MCTP2: variants seen among roughly 807,000 people sequenced by gnomAD.
MCTP2 encodes multiple C2 and transmembrane domain containing 2.
MCTP2 carries 132 observed loss-of-function variants against 111.6 expected under a neutral mutation model. The observed-to-expected ratio is 1.18, with a 90% CI of 1.03 to 1.37. MCTP2 has a LOEUF of 1.37. MCTP2 is among the 40% of genes most tolerant of loss of function. MCTP2 has a pLI of 0.00. For missense variants in MCTP2, 1,183 were observed against 1,067.9 expected, an observed-to-expected ratio of 1.11 and a Z score of -1.50; for synonymous variants, 395 against 387.7, an observed-to-expected ratio of 1.02 and a Z score of -0.22.
At chr15:94,239,887 G>A (rs760239352) in intron 1 of MCTP2, among the ~76,000 whole-genome samples, 3 of 152,100 alleles carry the variant, frequency 2.0e-5, no homozygotes, top group Non-Finnish European at 2.9e-5. Flanking sequence ...GATAGGTGTG[G>A]CCCTGATCAG....
chr15:94,429,073 GA>G (rs1349088816), intron 17 of MCTP2, among the ~76,000 whole-genome samples: 3 of 152,050 alleles, frequency 2.0e-5, no homozygotes, highest in Non-Finnish European at 4.4e-5. Flanking sequence ...CTCGTAGAAT[GA>G]CCATGATTGA....
intron 10 of MCTP2, among the ~76,000 whole-genome samples, chr15:94,359,192 C>T (rs761164774): frequency 2.4e-4 from 36 of 152,160 alleles, no homozygotes; most frequent in African/African-American, 8.4e-4. Context: ...TGCTGTAACC[C>T]GCGTACAGTA....
intron 1 of MCTP2, among the ~76,000 whole-genome samples, chr15:94,287,142 T>C (rs2074796594): frequency 6.6e-6 from 1 of 152,232 alleles, no homozygotes; most frequent in South Asian, 2.1e-4. Flanking sequence ...TTATTATTTC[T>C]TTAAGTTTTG....
At chr15:94,240,092 T>C (rs1289922371) in intron 1 of MCTP2, among the ~76,000 whole-genome samples, 2 of 152,160 alleles carry the variant, frequency 1.3e-5, no homozygotes, top group African/African-American at 2.4e-5. Flanking sequence ...TTTTGTTTTT[T>C]AAGTAGAAGT....
chr15:94,307,502 C>T (rs141877752), intron 2 of MCTP2, among the ~76,000 whole-genome samples: 12 of 152,222 alleles, frequency 7.9e-5, no homozygotes, highest in East Asian at 5.8e-4. Flanking sequence ...GGCAGTGAGG[C>T]GGCAATGGGA....
chr15:94,236,368 C>CTTTTTTTTTT (rs1167268187), intron 1 of MCTP2, among the ~76,000 whole-genome samples: 1 of 67,188 alleles, frequency 1.5e-5, no homozygotes. Flanking sequence ...TCAATCCTTT[C>CTTTTTTTTTT]TTTTTTTTCT....
chr15:94,270,955 C>T (rs142809168), intron 1 of MCTP2, among the ~76,000 whole-genome samples: 29 of 152,258 alleles, frequency 1.9e-4, no homozygotes, highest in African/African-American at 7.0e-4. Flanking sequence ...AATATCCCAT[C>T]GTTACTTAGG....
At chr15:94,240,970 A>G (rs1200911175) in intron 1 of MCTP2, among the ~76,000 whole-genome samples, 1 of 152,108 alleles carries the variant, frequency 6.6e-6, no homozygotes, top group African/African-American at 2.4e-5. Flanking sequence ...TTTGGTGTGT[A>G]TCTATTATTA....
In MCTP2 at chr15:94,311,350, G is replaced by T. The variant is rs572711547; in HGVS notation, c.466-2932G>T. Among the ~76,000 whole-genome samples the T allele has an allele frequency of 4.6e-5, 7 of 151,982 alleles. No individual in the cohort carries two copies. In the South Asian group the frequency reaches 1.5e-3, roughly 32 times the overall value. On this transcript the variant is annotated intron_variant, in intron 2 of 22. Transcript: ENST00000357742. ...CCTAGGAACATTTTTTAAAAATCTC[G>T]TAATATTGGTATTCTGGGGTATTCC...
At chr15:94,334,432 T>C (rs1033391470) in intron 4 of MCTP2, among the ~76,000 whole-genome samples, 3 of 152,364 alleles carry the variant, frequency 2.0e-5, no homozygotes, top group Middle Eastern at 6.8e-3. Context: ...AAAGGAGCTT[T>C]GATTTGGAGA....
At chr15:94,452,082 C>G (rs1306419234) in intron 19 of MCTP2, among the ~76,000 whole-genome samples, 1 of 152,146 alleles carries the variant, frequency 6.6e-6, no homozygotes, top group Non-Finnish European at 1.5e-5. Flanking sequence ...TAGTAGATGT[C>G]AGGACCAGAG....
chr15:94,243,868 T>C (rs2071390684), intron 1 of MCTP2, among the ~76,000 whole-genome samples: 1 of 147,452 alleles, frequency 6.8e-6, no homozygotes, highest in South Asian at 2.1e-4. Flanking sequence ...CACATACATA[T>C]GTGTATATAT....
intron 1 of MCTP2, among the ~76,000 whole-genome samples, chr15:94,256,008 C>T (rs1763611808): frequency 6.6e-6 from 1 of 152,116 alleles, no homozygotes; most frequent in Non-Finnish European, 1.5e-5. Flanking sequence ...CTCACAGCTC[C>T]ATTTTGGTGC....
chr15:94,422,237 T>G (rs1331847103), intron 17 of MCTP2, among the ~76,000 whole-genome samples: 2 of 151,910 alleles, frequency 1.3e-5, no homozygotes, highest in African/African-American at 4.8e-5. Context: ...TGAGCTTTCA[T>G]GGGGAGAGGA....
intron 4 of MCTP2, among the ~76,000 whole-genome samples, chr15:94,334,036 T>A (rs1167441278): frequency 6.6e-6 from 1 of 152,094 alleles, no homozygotes; most frequent in Non-Finnish European, 1.5e-5. Context: ...ACTTGGAAAA[T>A]CAAAGTAAAA....
chr15:94,435,757 G>A lies in MCTP2; in HGVS notation c.2086-4419G>A, dbSNP rs55761623. On this transcript the variant is annotated intron_variant, in intron 17 of 22. Coordinates refer to ENST00000357742, the MANE Select transcript of MCTP2 (RefSeq NM_001385001.1). Reference sequence around the variant, plus strand: ...CGCCATTCTCCTGCCTCAGCCTCCCGAGTAGCTGGGATTACAGGCGCCCGC... The same window carrying A: ...CGCCATTCTCCTGCCTCAGCCTCCCAAGTAGCTGGGATTACAGGCGCCCGC... Among the ~76,000 whole-genome samples the A allele has an allele frequency of 6.2e-3, 797 of 128,376 alleles. 57 individuals carry two copies. Among genetic ancestry groups the A allele is most frequent in the African/African-American group, 0.017 (631 of 37,334 alleles). The allele number at this position is 128,376 out of a possible 152,430, so 84.2% of individuals were successfully genotyped here.
chr15:94,347,915 CACAT>C (rs1303101443), intron 8 of MCTP2, among the ~76,000 whole-genome samples: 11 of 150,456 alleles, frequency 7.3e-5, no homozygotes, highest in African/African-American at 2.2e-4. Context: ...CACACACACA[CACAT>C]ACACTCCCCA....
At chr15:94,296,503 A>G (rs1470732705) in intron 1 of MCTP2, among the ~76,000 whole-genome samples, 2 of 152,210 alleles carry the variant, frequency 1.3e-5, no homozygotes, top group Non-Finnish European at 2.9e-5. Context: ...CAGCCTCCCG[A>G]GGTACTTACT....
At chr15:94,290,970 G>C (rs2075003544) in intron 1 of MCTP2, among the ~76,000 whole-genome samples, 1 of 152,192 alleles carries the variant, frequency 6.6e-6, no homozygotes, top group Admixed American at 6.5e-5. Context: ...AATTACTCCT[G>C]TCTCAGTAAT....
Sources: gnomAD v4.1 joint callset for allele counts (sites outside exome capture counted in the v4.1 genomes callset) on GRCh38, gnomAD v4.1.1 for gene constraint, MANE v1.5 for transcripts, NCBI Gene and HGNC (gene_info 2026-07-23, HGNC 2026-07-21) for gene names.